UROS: variants seen among roughly 807,000 people sequenced by gnomAD.
UROS encodes the protein uroporphyrinogen-III synthase.
In UROS, 18 loss-of-function variants were observed where a neutral mutation model predicts 33.0. That is an observed-to-expected ratio of 0.55 (90% CI 0.38 to 0.81). UROS has a LOEUF of 0.81. UROS is among the 30% of genes least tolerant of loss of function. The pLI, the probability that UROS is intolerant of heterozygous loss-of-function variation, is 0.00. For missense variants in UROS, 293 were observed against 314.9 expected, an observed-to-expected ratio of 0.93 and a Z score of 0.53; for synonymous variants, 114 against 121.1, an observed-to-expected ratio of 0.94 and a Z score of 0.38.
chr10:125,785,018 TTTATC>T (rs1850604811), downstream of UROS: 1 of 152,158 alleles, frequency 6.6e-6, no homozygotes, highest in African/African-American at 2.4e-5. Context: ...TCGGAAACGG[TTTATC>T]TTGATGTTTA....
chr10:125,801,956 C>G, intron 6 of UROS: 1 of 947,784 alleles, frequency 1.1e-6, no homozygotes, highest in South Asian at 4.9e-5. Context: ...AATGTCTTCA[C>G]TGAAAACAGG....
downstream of UROS, among the ~76,000 whole-genome samples, chr10:125,786,506 C>T (rs1315003428): frequency 2.6e-5 from 4 of 151,932 alleles, no homozygotes; most frequent in East Asian, 1.9e-4. Context: ...ACTCCTGATC[C>T]GCCCGCCTCA....
In UROS at chr10:125,803,053, G is replaced by A. The variant is rs768826108; in HGVS notation, c.394+4360C>T. On this transcript the variant is annotated intron_variant, in intron 6 of 9. Coordinates refer to ENST00000368797, the MANE Select transcript of UROS (RefSeq NM_000375.3). ...AGGGAAGAGAAATGAGCATATTTTGGACTTGGACTAAGTATCTTTTAGAAG... is the reference window on the plus strand; with the variant it reads ...AGGGAAGAGAAATGAGCATATTTTGAACTTGGACTAAGTATCTTTTAGAAG... 3.7e-6 allele frequency: 6 copies of A among 1,612,670 alleles called. No individual in the cohort carries two copies. In the African/African-American group the frequency reaches 4.0e-5, roughly 11 times the overall value.
intron 6 of UROS, chr10:125,802,701 A>T: frequency 7.5e-7 from 1 of 1,335,610 alleles, no homozygotes; most frequent in Non-Finnish European, 9.6e-7. Flanking sequence ...CTGGCTCATG[A>T]AACATTCTAG....
intron 9 of UROS, among the ~76,000 whole-genome samples, chr10:125,791,156 T>A (rs2133807433): frequency 6.6e-6 from 1 of 150,536 alleles, no homozygotes; most frequent in Non-Finnish European, 1.5e-5. Context: ...AAACGACAAA[T>A]AACCTGGGTT....
intron 6 of UROS, chr10:125,803,050 T>G: frequency 6.2e-7 from 1 of 1,612,854 alleles, no homozygotes; most frequent in African/African-American, 1.3e-5. Flanking sequence ...TGAGCATATT[T>G]TGGACTTGGA....
chr10:125,787,903 T>A (rs1004805252), downstream of UROS, among the ~76,000 whole-genome samples: 1 of 152,210 alleles, frequency 6.6e-6, no homozygotes, highest in Non-Finnish European at 1.5e-5. Context: ...CTTATGCTCG[T>A]CCATGCCTTT....
chr10:125,811,324 A>T (rs1274970583), intron 5 of UROS, among the ~76,000 whole-genome samples: 1 of 152,222 alleles, frequency 6.6e-6, no homozygotes, highest in Non-Finnish European at 1.5e-5. Context: ...TCCTCTTCTC[A>T]TTCAGGAAAA....
At chr10:125,818,037 A>C (rs1853505432) in intron 1 of UROS, among the ~76,000 whole-genome samples, 1 of 152,180 alleles carries the variant, frequency 6.6e-6, no homozygotes, top group East Asian at 1.9e-4. Context: ...GCTGGCATGA[A>C]GTTTAGGCTT....
rs181135300 is a variant in UROS, at chr10:125,814,882, G to A, written c.244+152C>T. The A allele has an allele frequency of 4.6e-6, 4 of 873,734 alleles. No homozygotes were observed. In the East Asian group the frequency reaches 7.9e-5, roughly 17 times the overall value. 54.1% of individuals were successfully genotyped at this position (873,734 alleles called of 1,614,324 possible). A position where few individuals can be genotyped will look rare whatever the true frequency, so the allele number is the denominator to read the frequency against. On this transcript the variant is annotated intron_variant, in intron 4 of 9. Transcript: ENST00000368797. Reference sequence around the variant, plus strand: ...GTCTGGGAGTTTAGGAGATAGCCCTGTTCTCCTGTTTCCCAAGGCAGAGTC... The same window carrying A: ...GTCTGGGAGTTTAGGAGATAGCCCTATTCTCCTGTTTCCCAAGGCAGAGTC...
intron 9 of UROS, among the ~76,000 whole-genome samples, chr10:125,791,017 C>T (rs1589915589): frequency 6.7e-6 from 1 of 148,816 alleles, no homozygotes; most frequent in Non-Finnish European, 1.5e-5. Flanking sequence ...GCTTGAACCC[C>T]AGAGGCGGAG....
intron 1 of UROS, chr10:125,819,630 T>G (rs951167704): frequency 6.6e-6 from 1 of 151,906 alleles, no homozygotes; most frequent in African/African-American, 2.4e-5. Context: ...CTCATGGGAG[T>G]GGGAAGGACC....
At chr10:125,794,776 G>A (rs982227249) in intron 9 of UROS, 104 bp downstream of exon 9, 1 of 1,129,040 alleles carries the variant, frequency 8.9e-7, no homozygotes, top group Non-Finnish European at 1.3e-6. Flanking sequence ...GCACCTGCTA[G>A]GCCAGGGGTG....
At chr10:125,794,503 G>C in intron 9 of UROS, 1 of 385,568 alleles carries the variant, frequency 2.6e-6, no homozygotes, top group Non-Finnish European at 4.0e-6. Flanking sequence ...TTTTAGAATA[G>C]ACAATAATGG....
In UROS at chr10:125,796,848, G is replaced by A. The variant is rs900229564; in HGVS notation, c.476-660C>T. 3.3e-5 allele frequency: 33 copies of A among 985,290 alleles called. No homozygotes were observed. In the African/African-American group the frequency reaches 5.4e-4, roughly 16 times the overall value. 61.0% of individuals were successfully genotyped at this position (985,290 alleles called of 1,614,324 possible). A position where few individuals can be genotyped will look rare whatever the true frequency, so the allele number is the denominator to read the frequency against. On this transcript the variant is annotated intron_variant, in intron 7 of 9. Coordinates refer to ENST00000368797, the MANE Select transcript of UROS (RefSeq NM_000375.3). Reference sequence around the variant, plus strand: ...AGCCAGATGGTAGGTGAAAAGTAGTGAAAACTCAGGCTTCTGAAAATAAAA... The same window carrying A: ...AGCCAGATGGTAGGTGAAAAGTAGTAAAAACTCAGGCTTCTGAAAATAAAA...
chr10:125,823,226 G>A lies in UROS; in HGVS notation c.-224C>T, dbSNP rs1854170338. 1 of 232,268 alleles carries A rather than the reference G, an allele frequency of 4.3e-6. No homozygotes were observed. Among genetic ancestry groups the A allele is most frequent in the Non-Finnish European group, 8.4e-6 (1 of 118,656 alleles). 14.4% of individuals were successfully genotyped at this position (232,268 alleles called of 1,614,324 possible). A position where few individuals can be genotyped will look rare whatever the true frequency, so the allele number is the denominator to read the frequency against. ...CCGCACCTCAGACTGGGGTCGCGTGGGTGGCTGCGCGCAGCTAGGCGCTCG... is the reference window on the plus strand; with the variant it reads ...CCGCACCTCAGACTGGGGTCGCGTGAGTGGCTGCGCGCAGCTAGGCGCTCG... On this transcript the variant is annotated 5_prime_UTR_variant, in exon 1 of 10. Coordinates refer to ENST00000368797, the MANE Select transcript of UROS (RefSeq NM_000375.3).
At chr10:125,809,081 A>T (rs923993449) in intron 5 of UROS, among the ~76,000 whole-genome samples, 1 of 152,266 alleles carries the variant, frequency 6.6e-6, no homozygotes, top group Non-Finnish European at 1.5e-5. Context: ...TAAAGGGACT[A>T]TAAGAATGTA....
intron 7 of UROS, 136 bp downstream of exon 7, chr10:125,797,929 G>A: frequency 1.0e-6 from 1 of 952,738 alleles, no homozygotes; most frequent in Non-Finnish European, 1.7e-6. Context: ...TGGTCTCTGT[G>A]TCTCCTGGCC....
downstream of UROS, among the ~76,000 whole-genome samples, chr10:125,786,833 T>C (rs1850645860): frequency 6.6e-6 from 1 of 152,192 alleles, no homozygotes; most frequent in African/African-American, 2.4e-5. Flanking sequence ...GATCTTACCT[T>C]CTGTCCCACC....
Sources: allele counts gnomAD v4.1 joint callset (sites outside exome capture counted in the v4.1 genomes callset), GRCh38; gene constraint gnomAD v4.1.1; transcripts MANE v1.5; gene names NCBI Gene and HGNC (gene_info 2026-07-23, HGNC 2026-07-21).